HEATR4: variants seen among roughly 807,000 people sequenced by gnomAD.
HEATR4 encodes the protein HEAT repeat-containing protein 4.
HEATR4 carries 95 observed loss-of-function variants against 108.8 expected under a neutral mutation model. That is an observed-to-expected ratio of 0.87 (90% CI 0.74 to 1.04). HEATR4 has a LOEUF of 1.04. Ranked by LOEUF, HEATR4 falls within the 50% of genes least tolerant of loss-of-function variation. The pLI, the probability that HEATR4 is intolerant of heterozygous loss-of-function variation, is 0.00. For missense variants in HEATR4, 1,152 were observed against 1,253.8 expected (o/e 0.92, Z 1.23); for synonymous variants, 443 against 459.4 (o/e 0.96, Z 0.46).
rs1007842709 is a variant in HEATR4, at chr14:73,514,128, T to A, written c.1317A>T (p.Arg439Ser). The A allele has an allele frequency of 1.9e-6, 3 of 1,614,164 alleles. No individual in the cohort carries two copies. Among genetic ancestry groups the A allele is most frequent in the Non-Finnish European group, 1.7e-6 (2 of 1,180,024 alleles). Residue 439 changes from arginine to serine, a missense_variant, in exon 6 of 18, where the codon AGA becomes AGT. Coordinates refer to ENST00000553558, the MANE Select transcript of HEATR4 (RefSeq NM_001220484.1). ...GEKDVPIKTR[R>S]LKKQAKSLQE... is the part of the protein sequence containing the mutation. ...GCAGTGATTTTGCCTGCTTCTTCAATCTCCTGGTCTTAATAGGCACATCCT... is the reference window on the plus strand; with the variant it reads ...GCAGTGATTTTGCCTGCTTCTTCAAACTCCTGGTCTTAATAGGCACATCCT...
rs1885111896 is a variant in HEATR4, at chr14:73,478,718, A to AC, written c.2968dup (p.Val990GlyfsTer5). 6.2e-7 allele frequency: 1 copy of AC among 1,613,762 alleles called. No homozygotes were observed. Among genetic ancestry groups the AC allele is most frequent in the African/African-American group, 1.3e-5 (1 of 74,846 alleles). Reference sequence around the variant, plus strand: ...TGGGTAGTCGGATCTAAATGGTCCCACAGCAATCCTTTTCTCGGGGGAGGT... The same window carrying AC: ...TGGGTAGTCGGATCTAAATGGTCCCACCAGCAATCCTTTTCTCGGGGGAGGT... On this transcript the variant is annotated frameshift_variant, in exon 18 of 18. Coordinates refer to ENST00000553558, the MANE Select transcript of HEATR4 (RefSeq NM_001220484.1). LOFTEE classifies it low-confidence loss of function (END_TRUNC).
In HEATR4 at chr14:73,546,364, T is replaced by G. The variant is rs1194063863; in HGVS notation, c.-152+12387A>C. On this transcript the variant is annotated intron_variant, in intron 1 of 17. Transcript: ENST00000553558. ...TATCAGCCTCTTGACATTTCGTATT[T>G]TTTTTTTTTTTTTGAGACGAGATCT... Among the ~76,000 whole-genome samples the G allele has an allele frequency of 2.1e-4, 23 of 109,926 alleles. 5 individuals are homozygous for G. Among genetic ancestry groups the G allele is most frequent in the African/African-American group, 6.8e-4 (23 of 33,790 alleles). The allele number at this position is 109,926 out of a possible 152,430, so 72.1% of individuals were successfully genotyped here.
chr14:73,495,848 C>G (rs1424611307), intron 15 of HEATR4, among the ~76,000 whole-genome samples: 1 of 152,128 alleles, frequency 6.6e-6, no homozygotes, highest in Admixed American at 6.6e-5. Flanking sequence ...ACAATCCAGG[C>G]CAGGCATGAT....
Position 73,550,793 on chromosome 14 carries a change from G to T in HEATR4, c.-152+7958C>A, listed in dbSNP as rs756723574. Among the ~76,000 whole-genome samples the T allele has an allele frequency of 1.3e-4, 15 of 115,658 alleles. 5 individuals carry two copies. Among genetic ancestry groups the T allele is most frequent in the Admixed American group, 3.9e-4 (4 of 10,150 alleles). 75.9% of individuals were successfully genotyped at this position (115,658 alleles called of 152,430 possible). On this transcript the variant is annotated intron_variant, in intron 1 of 17. Transcript: ENST00000553558. The stretch of plus-strand genomic sequence containing the variant: ...TTTAAACCAAGAAGACAAGAACCGA[G>T]GTGTCACATCAGCCGCCAAAGAAAC...
At chr14:73,546,807 T>C (rs1889239315) in intron 1 of HEATR4, among the ~76,000 whole-genome samples, 1 of 110,496 alleles carries the variant, frequency 9.1e-6, no homozygotes, top group African/African-American at 2.8e-5. Context: ...AAAACAGAGG[T>C]TGGGTGCAGT....
chr14:73,504,216 TA>T (rs1007012380), intron 10 of HEATR4, among the ~76,000 whole-genome samples: 1 of 151,790 alleles, frequency 6.6e-6, no homozygotes, highest in Non-Finnish European at 1.5e-5. Context: ...TAGCTGGGAT[TA>T]TGGGCATGTG....
At chr14:73,612,989 C>G in the HEATR4 span, 13 of 1,064,262 alleles carry the variant, frequency 1.2e-5, no homozygotes, top group Non-Finnish European at 1.7e-5. Flanking sequence ...CGAGCCGGTG[C>G]GCGCGGGCCC....
At position 73,498,186 on chromosome 14, in the gene HEATR4, G is replaced by T; in HGVS notation, c.2515C>A (p.Leu839Met). 1 of 1,613,316 alleles carries T rather than the reference G, an allele frequency of 6.2e-7. No individual in the cohort carries two copies. ...DRVRDTFLDV[L>M]LLENHDAVLK... Reference sequence around the variant, plus strand: ...ACAGCATCGTGGTTCTCCAGGAGCAGCACGTCTAGGAAGGTGTCCCTGACC... The same window carrying T: ...ACAGCATCGTGGTTCTCCAGGAGCATCACGTCTAGGAAGGTGTCCCTGACC... Residue 839 changes from leucine to methionine, a missense_variant, in exon 14 of 18, where the codon CTG (leucine) becomes ATG (methionine). Coordinates refer to ENST00000553558, the MANE Select transcript of HEATR4 (RefSeq NM_001220484.1).
the HEATR4 span, among the ~76,000 whole-genome samples, chr14:73,607,483 G>A: frequency 6.6e-6 from 1 of 152,290 alleles, no homozygotes; most frequent in Non-Finnish European, 1.5e-5. Flanking sequence ...TGTGATGGGA[G>A]GGGCTGCCAT....
the HEATR4 span, among the ~76,000 whole-genome samples, chr14:73,576,676 G>A: frequency 1.3e-5 from 2 of 150,518 alleles, no homozygotes; most frequent in African/African-American, 4.9e-5. Context: ...CATGCCTGTA[G>A]TCCCAGCTAC....
At chr14:73,491,591 C>G (rs1885747499) in intron 17 of HEATR4, 6 of 1,545,822 alleles carry the variant, frequency 3.9e-6, no homozygotes, top group African/African-American at 1.4e-5. Context: ...CTTGGCCGAG[C>G]TGAACCGCAT....
chr14:73,615,049 G>A, the HEATR4 span, among the ~76,000 whole-genome samples: 64 of 130,392 alleles, frequency 4.9e-4, no homozygotes, highest in African/African-American at 1.6e-3. Context: ...AGATCGCACC[G>A]TTGCACTCCA....
At chr14:73,619,205 C>A in the HEATR4 span, 2 of 1,527,108 alleles carry the variant, frequency 1.3e-6, no homozygotes, top group Non-Finnish European at 1.8e-6. Context: ...GAATTCTAAG[C>A]TTGTTTTCCT....
At chr14:73,598,651 G>A in the HEATR4 span, among the ~76,000 whole-genome samples, 1 of 152,058 alleles carries the variant, frequency 6.6e-6, no homozygotes, top group South Asian at 2.1e-4. Context: ...CAGATCACCT[G>A]AGGTCTAGAG....
the HEATR4 span, among the ~76,000 whole-genome samples, chr14:73,566,963 C>T: frequency 6.6e-6 from 1 of 152,122 alleles, no homozygotes; most frequent in Admixed American, 6.6e-5. Context: ...GCCACCATGC[C>T]CAGTTAATTT....
At chr14:73,542,165 ATT>A (rs34070206) in intron 1 of HEATR4, among the ~76,000 whole-genome samples, 27 of 97,906 alleles carry the variant, frequency 2.8e-4, no homozygotes, top group Admixed American at 3.6e-4. Context: ...TAATTTTTGT[ATT>A]TTTTTTTTTT....
chr14:73,569,199 C>T, the HEATR4 span: 23 of 1,604,066 alleles, frequency 1.4e-5, no homozygotes, highest in South Asian at 2.2e-5. Context: ...GCAGACAGCT[C>T]TGCCCTAGTG....
the HEATR4 span, among the ~76,000 whole-genome samples, chr14:73,566,087 G>C: frequency 6.6e-6 from 1 of 152,084 alleles, no homozygotes; most frequent in Admixed American, 6.6e-5. Context: ...GTCCCCACCA[G>C]AGTAGCTAGA....
Position 73,533,772 on chromosome 14 carries a change from T to C in HEATR4, c.-151-3528A>G, listed in dbSNP as rs1333074555. ...CTTAAAAATGGTTAAAATGGGCTTG[T>C]TCCAGCAGCTCATGCGTGTAATTCT... On this transcript the variant is annotated intron_variant, in intron 1 of 17. Transcript: ENST00000553558. Among the ~76,000 whole-genome samples, 2 of 110,182 alleles carry C rather than the reference T, an allele frequency of 1.8e-5. 1 individual carries two copies. The highest frequency in any genetic ancestry group is 3.9e-5 in the Non-Finnish European group (2 of 51,204). 72.3% of individuals were successfully genotyped at this position (110,182 alleles called of 152,430 possible). A position where few individuals can be genotyped will look rare whatever the true frequency, so the allele number is the denominator to read the frequency against.
Sources: allele counts gnomAD v4.1 joint callset (sites outside exome capture counted in the v4.1 genomes callset), GRCh38; gene constraint gnomAD v4.1.1; transcripts MANE v1.5; gene names NCBI Gene and HGNC (gene_info 2026-07-23, HGNC 2026-07-21).